The following CACNG3 variants were observed in gnomAD, a reference collection of about 807,000 sequenced individuals.
The protein encoded by CACNG3 is voltage-dependent calcium channel gamma-3 subunit.
CACNG3 carries 3 observed loss-of-function variants against 28.5 expected under a neutral mutation model. That is an observed-to-expected ratio of 0.11 (90% confidence interval 0.05 to 0.27). The LOEUF (loss-of-function observed/expected upper bound fraction) is 0.27, where lower values mean the gene tolerates loss of function less well. CACNG3 is among the 10% of genes least tolerant of loss of function. CACNG3 has a pLI of 1.00. For missense variants in CACNG3, 236 were observed against 414.4 expected (o/e 0.57, Z 3.74); for synonymous variants, 174 against 162.2 (o/e 1.07, Z -0.55).
intron 1 of CACNG3, among the ~76,000 whole-genome samples, chr16:24,262,422 A>G (rs1567205788): frequency 1.3e-5 from 2 of 152,248 alleles, no homozygotes; most frequent in Non-Finnish European, 2.9e-5. Context: ...ATAGTCAGAC[A>G]GAATGTGTCC....
intron 1 of CACNG3, among the ~76,000 whole-genome samples, chr16:24,313,073 G>GAGGGAGGAAGGAAGGA (rs373092539): frequency 4.3e-5 from 6 of 138,032 alleles, no homozygotes; most frequent in African/African-American, 1.7e-4. Context: ...GCGAGGGAGG[G>GAGGGAGGAAGGAAGGA]AGGAAGGAAG....
At chr16:24,355,905 A>G (rs190285456) in intron 3 of CACNG3, among the ~76,000 whole-genome samples, 1 of 152,300 alleles carries the variant, frequency 6.6e-6, no homozygotes, top group East Asian at 1.9e-4. Context: ...AAGACCTTAT[A>G]GTCAATAGGA....
chr16:24,313,421 A>G (rs1899302209), intron 1 of CACNG3, among the ~76,000 whole-genome samples: 1 of 152,210 alleles, frequency 6.6e-6, no homozygotes, highest in East Asian at 1.9e-4. Flanking sequence ...CATAAACCCT[A>G]CACTAAGTTG....
rs1156804352 is a variant in CACNG3 at position 24,362,349 on chromosome 16, A to C, written c.*486A>C. ...CATGACCAGAAATCAAAGATGTCAG[A>C]GCCCCGAAGCAGCTAATGTAATAAG... On this transcript the variant is annotated 3_prime_UTR_variant, in exon 4 of 4. Transcript: ENST00000005284. 6.4e-6 allele frequency: 1 copy of C among 155,686 alleles called. No homozygotes were observed. The highest frequency in any genetic ancestry group is 1.4e-5 in the Non-Finnish European group (1 of 70,010). The allele number at this position is 155,686 out of a possible 1,614,324, so 9.6% of individuals were successfully genotyped here. A position where few individuals can be genotyped will look rare whatever the true frequency, so the allele number is the denominator to read the frequency against.
At chr16:24,312,951 GAAAGAGAA>G (rs1372230389) in intron 1 of CACNG3, among the ~76,000 whole-genome samples, 2 of 98,980 alleles carry the variant, frequency 2.0e-5, no homozygotes, top group Non-Finnish European at 4.3e-5. Context: ...AAGAAAGAAA[GAAAGAGAA>G]AGAAAGAAAA....
At chr16:24,259,141 T>C (rs1898507342) in intron 1 of CACNG3, among the ~76,000 whole-genome samples, 1 of 152,216 alleles carries the variant, frequency 6.6e-6, no homozygotes, top group African/African-American at 2.4e-5. Context: ...TGTGTTGCAG[T>C]CCCCATACAA....
At chr16:24,324,827 C>A (rs947323248) in intron 1 of CACNG3, among the ~76,000 whole-genome samples, 1 of 152,118 alleles carries the variant, frequency 6.6e-6, no homozygotes, top group Non-Finnish European at 1.5e-5. Context: ...CAAGGCCAGC[C>A]CTTCCTCTTC....
chr16:24,300,814 G>A (rs1272242783), intron 1 of CACNG3, among the ~76,000 whole-genome samples: 1 of 152,090 alleles, frequency 6.6e-6, no homozygotes, highest in Non-Finnish European at 1.5e-5. Context: ...AGCACTTTTG[G>A]AAGCTAAGGG....
At chr16:24,305,935 A>C (rs900815375) in intron 1 of CACNG3, among the ~76,000 whole-genome samples, 1 of 152,102 alleles carries the variant, frequency 6.6e-6, no homozygotes, top group Admixed American at 6.5e-5. Context: ...TGCCTCCCAA[A>C]GTGCTGGGAT....
intron 1 of CACNG3, among the ~76,000 whole-genome samples, chr16:24,330,586 G>C (rs1567220480): frequency 6.6e-6 from 1 of 152,190 alleles, no homozygotes; most frequent in Non-Finnish European, 1.5e-5. Context: ...CTAATTCAGG[G>C]CATTGTGTAG....
intron 2 of CACNG3, among the ~76,000 whole-genome samples, chr16:24,353,734 G>A (rs541335619): frequency 8.5e-5 from 13 of 152,326 alleles, no homozygotes; most frequent in South Asian, 2.1e-4. Context: ...TTGTTCATTC[G>A]TGACTAAATG....
intron 1 of CACNG3, among the ~76,000 whole-genome samples, chr16:24,294,533 A>T (rs1454591348): frequency 6.6e-6 from 1 of 152,186 alleles, no homozygotes; most frequent in Non-Finnish European, 1.5e-5. Context: ...TAGGTGGATG[A>T]TGATGATGAA....
At position 24,278,522 on chromosome 16, in the gene CACNG3, A is replaced by C. The variant is rs537762759; in HGVS notation, c.211+21557A>C. ...TCCCAGCTACTTGGGAGGCTGAGGC[A>C]GGAGAATTGCTTGAACCTGGGAGGT... On this transcript the variant is annotated intron_variant, in intron 1 of 3. Transcript: ENST00000005284. Among the ~76,000 whole-genome samples the C allele has an allele frequency of 6.6e-5, 10 of 152,272 alleles. No individual in the cohort carries two copies. In the South Asian group the frequency reaches 2.1e-3, roughly 32 times the overall value.
At chr16:24,312,982 TAAAAG>T (rs1567216166) in intron 1 of CACNG3, among the ~76,000 whole-genome samples, 2 of 64,302 alleles carry the variant, frequency 3.1e-5, no homozygotes, top group Admixed American at 3.0e-4. Flanking sequence ...AAGAAAGAAA[TAAAAG>T]AAAGAAAGAA....
At position 24,310,302 on chromosome 16, in the gene CACNG3, G is replaced by A. The variant is rs141314744; in HGVS notation, c.212-36432G>A. On this transcript the variant is annotated intron_variant, in intron 1 of 3. Transcript: ENST00000005284. ...TGTTAAGCTGGGCACAGTGGCTCAC[G>A]CCTGTAATCCCAGCACTTTGGGAGG... is the stretch of plus-strand genomic sequence containing the variant. 6.6e-5 allele frequency among the ~76,000 whole-genome samples: 10 copies of A among 152,290 alleles called. No homozygotes were observed. In the South Asian group the frequency reaches 8.3e-4, roughly 13 times the overall value.
intron 1 of CACNG3, among the ~76,000 whole-genome samples, chr16:24,318,455 G>A (rs1859202): frequency 0.65 from 98,430 of 152,122 alleles, 32,102 homozygotes; most frequent in Middle Eastern, 0.72. Flanking sequence ...GCCTCACAAA[G>A]TGCTGAGATT....
chr16:24,313,108 G>GAAGGAAGGAAGGAAGGAAGGAAGC (rs1372732379), intron 1 of CACNG3, among the ~76,000 whole-genome samples: 3 of 151,274 alleles, frequency 2.0e-5, no homozygotes, highest in African/African-American at 7.3e-5. Context: ...AGGAAGGAAG[G>GAAGGAAGGAAGGAAGGAAGGAAGC]AAGCTTCTGT....
At chr16:24,295,841 C>T (rs138385338) in intron 1 of CACNG3, among the ~76,000 whole-genome samples, 2 of 152,194 alleles carry the variant, frequency 1.3e-5, no homozygotes, top group East Asian at 3.9e-4. Context: ...GAGTAAGACG[C>T]TGTCTCAAAA....
chr16:24,264,532 C>A (rs1898573090), intron 1 of CACNG3, among the ~76,000 whole-genome samples: 1 of 152,192 alleles, frequency 6.6e-6, no homozygotes, highest in Admixed American at 6.5e-5. Flanking sequence ...CACGCAGATC[C>A]CTGCTACACA....
Sources: gnomAD v4.1 joint callset for allele counts (sites outside exome capture counted in the v4.1 genomes callset) on GRCh38, gnomAD v4.1.1 for gene constraint, MANE v1.5 for transcripts, NCBI Gene and HGNC (gene_info 2026-07-23, HGNC 2026-07-21) for gene names.